ANKRD36C: variants seen among roughly 807,000 people sequenced by gnomAD.
ANKRD36C encodes ankyrin repeat domain 36C.
Under a neutral mutation model 276.4 loss-of-function variants are expected in ANKRD36C, and 61 were observed. The observed-to-expected ratio is 0.22, with a 90% confidence interval of 0.18 to 0.27. The LOEUF is 0.27. ANKRD36C is among the 10% of genes least tolerant of loss of function. ANKRD36C has a pLI of 1.00. For missense variants in ANKRD36C, 1,447 were observed against 2,032.3 expected, an observed-to-expected ratio of 0.71 and a Z score of 5.54; for synonymous variants, 483 against 680.1, an observed-to-expected ratio of 0.71 and a Z score of 4.51.
chr2:95,902,778 C>G (rs1483118537), intron 42 of ANKRD36C, 108 bp downstream of exon 54: 18 of 1,315,036 alleles, frequency 1.4e-5, no homozygotes, highest in Admixed American at 2.5e-5. Flanking sequence ...CTCAGGACTG[C>G]TGAATCAGAA....
chr2:95,853,719 A>G, exon 64 of ANKRD36C: 1 of 1,583,892 alleles, frequency 6.3e-7, no homozygotes, highest in Non-Finnish European at 8.6e-7. Flanking sequence ...TTGACTTCTC[A>G]TCTGGTCTAA....
In ANKRD36C at chr2:95,943,548, A is replaced by AT. The variant is rs1288804990; in HGVS notation, c.1491+1078dup. ...ATTTATGTATAAATTAATTTTTATTATTTTTTATTATTTAATTATTTATTT... is the reference window on the plus strand; with the variant it reads ...ATTTATGTATAAATTAATTTTTATTATTTTTTTATTATTTAATTATTTATTT... On this transcript the variant is annotated intron_variant, in intron 19 of 66. Coordinates refer to ENST00000456556, the Ensembl canonical transcript of ANKRD36C. 6.6e-5 allele frequency among the ~76,000 whole-genome samples: 10 copies of AT among 150,792 alleles called. No individual in the cohort carries two copies. The East Asian group carries it at 1.5e-3, about 23-fold the overall frequency.
At chr2:95,961,215 G>A (rs1333144975) in intron 8 of ANKRD36C, among the ~76,000 whole-genome samples, 1 of 152,030 alleles carries the variant, frequency 6.6e-6, no homozygotes, top group Non-Finnish European at 1.5e-5. Context: ...TATATGTTTG[G>A]TGAATCCTAG....
At chr2:95,922,805 G>A (rs191378110) in intron 32 of ANKRD36C, among the ~76,000 whole-genome samples, 1 of 151,586 alleles carries the variant, frequency 6.6e-6, no homozygotes, top group Non-Finnish European at 1.5e-5. Context: ...ATCAACAAAA[G>A]ATATATGTCT....
At chr2:95,986,003 T>G (rs1444433693) in intron 3 of ANKRD36C, among the ~76,000 whole-genome samples, 1 of 152,082 alleles carries the variant, frequency 6.6e-6, no homozygotes, top group Non-Finnish European at 1.5e-5. Flanking sequence ...TGTGTGCCGC[T>G]TCATCACCAC....
intron 6 of ANKRD36C, among the ~76,000 whole-genome samples, chr2:95,965,057 ATG>A (rs1678559182): frequency 6.6e-6 from 1 of 151,970 alleles, no homozygotes; most frequent in Non-Finnish European, 1.5e-5. Flanking sequence ...AAAATGAAGA[ATG>A]GTGTAATTTT....
chr2:95,872,396 C>T, intron 59 of ANKRD36C, among the ~76,000 whole-genome samples: 1 of 151,376 alleles, frequency 6.6e-6, no homozygotes, highest in Non-Finnish European at 1.5e-5. Context: ...GGAAACTGAA[C>T]AACCTGCTCC....
rs745321156 is a variant in ANKRD36C, at chr2:95,927,173, T to C, written c.1939+41A>G. ...TCCAGGGAAGAGAAGTACTTTTCTA[T>C]CTTGACTGAACATGACATTAAATGT... On this transcript the variant is annotated intron_variant, in intron 28 of 66. Transcript: ENST00000456556. 1.3e-5 allele frequency: 21 copies of C among 1,605,688 alleles called. No individual in the cohort carries two copies. The African/African-American group carries it at 2.3e-4, about 17-fold the overall frequency.
chr2:95,893,540 A>C, intron 44 of ANKRD36C: 2 of 1,546,028 alleles, frequency 1.3e-6, no homozygotes, highest in Non-Finnish European at 1.7e-6. Flanking sequence ...TACCTGTTCT[A>C]GATTTTTCTC....
At chr2:95,926,430 T>C (rs1269730867) in intron 28 of ANKRD36C, among the ~76,000 whole-genome samples, 1 of 151,688 alleles carries the variant, frequency 6.6e-6, no homozygotes, top group Non-Finnish European at 1.5e-5. Flanking sequence ...TGTTATTCTC[T>C]AAAGCATTTT....
intron 46 of ANKRD36C, among the ~76,000 whole-genome samples, chr2:95,891,127 T>G (rs1178929308): frequency 6.6e-6 from 1 of 151,402 alleles, no homozygotes; most frequent in South Asian, 2.1e-4. Flanking sequence ...GCATCTGAAG[T>G]GAGTTCACTC....
intron 59 of ANKRD36C, chr2:95,875,960 G>C (rs1675942925): frequency 2.3e-6 from 1 of 441,228 alleles, no homozygotes; most frequent in South Asian, 1.6e-5. Flanking sequence ...TTCTCTCCCT[G>C]AACATAGAAA....
Position 95,930,451 on chromosome 2 carries a change from A to C in ANKRD36C, c.1736-1184T>G, listed in dbSNP as rs1558644577. ...TATAATTTAAAAAATCATTTTATTT[A>C]TACTCATGAAGACTCCTGATGTTTC... On this transcript the variant is annotated intron_variant, in intron 24 of 66. Transcript: ENST00000456556. Among the ~76,000 whole-genome samples the C allele has an allele frequency of 2.0e-5, 3 of 151,694 alleles. No individual in the cohort carries two copies. The East Asian group carries it at 5.8e-4, about 29-fold the overall frequency.
At chr2:95,916,807 A>G (rs1407422134) in intron 36 of ANKRD36C, among the ~76,000 whole-genome samples, 1 of 151,656 alleles carries the variant, frequency 6.6e-6, no homozygotes, top group South Asian at 2.1e-4. Flanking sequence ...TAGCCTTCCT[A>G]TAATTTCTTC....
At chr2:95,990,180 T>G (rs2104550061) in intron 1 of ANKRD36C, among the ~76,000 whole-genome samples, 1 of 152,380 alleles carries the variant, frequency 6.6e-6, no homozygotes, top group South Asian at 2.1e-4. Flanking sequence ...TAATCTACAT[T>G]CCATAACGAA....
intron 34 of ANKRD36C, 82 bp downstream of exon 36, chr2:95,919,651 C>CCCCCA: frequency 3.6e-6 from 2 of 551,838 alleles, no homozygotes; most frequent in Non-Finnish European, 4.5e-6. Flanking sequence ...TCCCCCCACC[C>CCCCCA]ACCCTCCGCT....
intron 34 of ANKRD36C, among the ~76,000 whole-genome samples, chr2:95,918,560 A>G (rs566202570): frequency 3.3e-5 from 5 of 151,766 alleles, no homozygotes; most frequent in Middle Eastern, 3.4e-3. Flanking sequence ...GAAGTGTCCT[A>G]AATTGATCAC....
At chr2:95,868,225 G>A (rs985953991) in intron 59 of ANKRD36C, among the ~76,000 whole-genome samples, 59 of 151,654 alleles carry the variant, frequency 3.9e-4, no homozygotes, top group African/African-American at 1.4e-3. Context: ...GTCACATAAC[G>A]GCTTCTGGAA....
chr2:95,981,473 TATATG>T (rs1414832054), intron 4 of ANKRD36C, among the ~76,000 whole-genome samples: 7 of 147,840 alleles, frequency 4.7e-5, no homozygotes, highest in African/African-American at 1.5e-4. Flanking sequence ...TTGTATATAT[TATATG>T]ATATATGATG....
Sources: gnomAD v4.1 joint callset for allele counts (sites outside exome capture counted in the v4.1 genomes callset) on GRCh38, gnomAD v4.1.1 for gene constraint, MANE v1.5 for transcripts, NCBI Gene and HGNC (gene_info 2026-07-23, HGNC 2026-07-21) for gene names.